SLC7A1: variants seen among roughly 807,000 people sequenced by gnomAD.
The protein encoded by SLC7A1 is high affinity cationic amino acid transporter 1.
SLC7A1 carries 10 observed loss-of-function variants against 53.9 expected under a neutral mutation model. The observed-to-expected ratio is 0.19, with a 90% confidence interval of 0.11 to 0.31. SLC7A1 has a LOEUF of 0.31. SLC7A1 is among the 10% of genes least tolerant of loss of function. The pLI, the probability that SLC7A1 is intolerant of heterozygous loss-of-function variation, is 1.00. For synonymous variants in SLC7A1, 342 were observed against 338.7 expected (o/e 1.01, Z -0.11); for missense variants, 525 against 827.2 (o/e 0.63, Z 4.48).
intron 2 of SLC7A1, among the ~76,000 whole-genome samples, chr13:29,552,992 G>A (rs972059139): frequency 1.3e-5 from 2 of 152,144 alleles, no homozygotes; most frequent in Admixed American, 1.3e-4. Flanking sequence ...AGAGTTAGGG[G>A]ACAGACAGCC....
At chr13:29,581,663 C>T (rs57340570) in intron 1 of SLC7A1, among the ~76,000 whole-genome samples, 4 of 152,158 alleles carry the variant, frequency 2.6e-5, no homozygotes, top group Admixed American at 6.5e-5. Context: ...TGGAACTTCA[C>T]CCCAGTGCTA....
At chr13:29,541,549 T>C (rs1869668049) in intron 2 of SLC7A1, among the ~76,000 whole-genome samples, 1 of 152,186 alleles carries the variant, frequency 6.6e-6, no homozygotes, top group Admixed American at 6.5e-5. Flanking sequence ...GATAGGAGGA[T>C]TGATCTTAAC....
chr13:29,545,977 G>C (rs1869904963), intron 2 of SLC7A1, among the ~76,000 whole-genome samples: 1 of 152,248 alleles, frequency 6.6e-6, no homozygotes, highest in African/African-American at 2.4e-5. Context: ...GCTTCATCAG[G>C]AGAGACGCCC....
chr13:29,564,606 G>C (rs1277583638), intron 1 of SLC7A1, among the ~76,000 whole-genome samples: 3 of 152,188 alleles, frequency 2.0e-5, no homozygotes, highest in African/African-American at 7.2e-5. Flanking sequence ...AGTTTAATTA[G>C]ATGCAAGGAC....
rs1462627278 is a variant in SLC7A1 at position 29,580,423 on chromosome 13, T to TC, written c.-115+14992dup. Reference sequence around the variant, plus strand: ...ATTTCTCAGTGGCTTCATAACTGCCTCCCCGTTTTGAGATCTATTCCATGT... The same window carrying TC: ...ATTTCTCAGTGGCTTCATAACTGCCTCCCCCGTTTTGAGATCTATTCCATGT... On this transcript the variant is annotated intron_variant, in intron 1 of 12. Coordinates refer to ENST00000380752, the MANE Select transcript of SLC7A1 (RefSeq NM_003045.5). 2.6e-5 allele frequency among the ~76,000 whole-genome samples: 4 copies of TC among 152,186 alleles called. No homozygotes were observed. The East Asian group carries it at 7.7e-4, about 29-fold the overall frequency.
chr13:29,552,454 AAAAACTGGCCCC>A (rs1870244172), intron 2 of SLC7A1, among the ~76,000 whole-genome samples: 1 of 152,208 alleles, frequency 6.6e-6, no homozygotes, highest in Non-Finnish European at 1.5e-5. Flanking sequence ...AAATCTGGCC[AAAAACTGGCCCC>A]AAAACTGGCC....
At chr13:29,524,974 T>A (rs937497210) in intron 5 of SLC7A1, among the ~76,000 whole-genome samples, 3 of 152,152 alleles carry the variant, frequency 2.0e-5, no homozygotes, top group Non-Finnish European at 4.4e-5. Context: ...CGAGACACGG[T>A]GCCCAGGTTC....
Position 29,530,672 on chromosome 13 carries a change from G to A in SLC7A1, c.570C>T (p.Asn190=), listed in dbSNP as rs1312711336. ...TLGVKESAMV[N]KIFTCINVLV... is the part of the protein sequence containing the mutation. ...GGACGTTAATACAAGTGAATATTTT[G>A]TTGACCATGGCCGACTCTTTCACAC... Residue 190 remains asparagine, a synonymous_variant, in exon 5 of 13, where the codon AAC becomes AAT. Coordinates refer to ENST00000380752, the MANE Select transcript of SLC7A1 (RefSeq NM_003045.5). The A allele has an allele frequency of 6.2e-7, 1 of 1,614,144 alleles. No individual in the cohort carries two copies. The highest frequency in any genetic ancestry group is 8.5e-7 in the Non-Finnish European group (1 of 1,180,012).
chr13:29,580,803 A>G (rs367897291), intron 1 of SLC7A1, among the ~76,000 whole-genome samples: 3 of 152,184 alleles, frequency 2.0e-5, no homozygotes, highest in African/African-American at 7.2e-5. Flanking sequence ...AAGAGGTACC[A>G]TACAAACGAA....
intron 1 of SLC7A1, among the ~76,000 whole-genome samples, chr13:29,559,513 CGGGGAGTGAATGTGAGTGAG>C (rs1870639783): frequency 1.1e-4 from 1 of 8,982 alleles, no homozygotes; most frequent in African/African-American, 5.5e-4. Context: ...ATGTGAGTGA[CGGGGAGTGAATGTGAGTGAG>C]GGGGAGTGAA....
intron 6 of SLC7A1, 90 bp downstream of exon 6, chr13:29,524,042 G>T: frequency 1.5e-6 from 2 of 1,334,582 alleles, no homozygotes; most frequent in Non-Finnish European, 2.1e-6. Flanking sequence ...GCGGCGACTG[G>T]ACCGTGCCAG....
rs9508482 is a variant in SLC7A1, at chr13:29,514,546, G to C, written c.1824C>G (p.Ser608Arg). The change falls in exon 13 of 13, where the codon AGC becomes AGG. Residue 608 changes from serine to arginine, a missense_variant. Transcript: ENST00000380752. ...IIYFGYGLWH[S>R]EEASLDADQA... ...GGTCGGCATCCAGGGACGCCTCCTC[G>C]CTGTGCCACAGGCCATAGCCAAAGT... The C allele has an allele frequency of 1.2e-6, 2 of 1,610,920 alleles. No individual in the cohort carries two copies. The highest frequency in any genetic ancestry group is 1.7e-6 in the Non-Finnish European group (2 of 1,179,728).
At chr13:29,591,516 C>T (rs2139196691) in intron 1 of SLC7A1, among the ~76,000 whole-genome samples, 1 of 152,246 alleles carries the variant, frequency 6.6e-6, no homozygotes, top group African/African-American at 2.4e-5. Context: ...ATGGTTTCTA[C>T]AATGCAGAAC....
chr13:29,550,264 C>T (rs577279668), intron 2 of SLC7A1, among the ~76,000 whole-genome samples: 14 of 152,334 alleles, frequency 9.2e-5, no homozygotes, highest in Admixed American at 7.2e-4. Context: ...GGGCCAGTGA[C>T]GGCTCAGGGC....
chr13:29,566,561 T>C (rs1870976125), intron 1 of SLC7A1, among the ~76,000 whole-genome samples: 1 of 152,140 alleles, frequency 6.6e-6, no homozygotes. Context: ...TTATATGAAA[T>C]GTCCAGGATA....
At chr13:29,554,547 C>G (rs923899890) in intron 1 of SLC7A1, among the ~76,000 whole-genome samples, 1 of 152,158 alleles carries the variant, frequency 6.6e-6, no homozygotes, top group African/African-American at 2.4e-5. Flanking sequence ...CTACGAAGAA[C>G]CTCATAGATG....
chr13:29,565,248 T>A (rs1201793469), intron 1 of SLC7A1, among the ~76,000 whole-genome samples: 1 of 152,212 alleles, frequency 6.6e-6, no homozygotes, highest in East Asian at 1.9e-4. Flanking sequence ...GTGACTATGT[T>A]ACTGAGAAGA....
At chr13:29,580,874 G>A (rs140166179) in intron 1 of SLC7A1, among the ~76,000 whole-genome samples, 69 of 152,158 alleles carry the variant, frequency 4.5e-4, no homozygotes, top group African/African-American at 1.3e-3. Flanking sequence ...ATACACACAC[G>A]GCTCAAAAAT....
chr13:29,593,341 G>A (rs1240844023), intron 1 of SLC7A1, among the ~76,000 whole-genome samples: 1 of 152,162 alleles, frequency 6.6e-6, no homozygotes, highest in Non-Finnish European at 1.5e-5. Flanking sequence ...CAACTATACA[G>A]AAAAACACCA....
Sources: gnomAD v4.1 joint callset for allele counts (sites outside exome capture counted in the v4.1 genomes callset) on GRCh38, gnomAD v4.1.1 for gene constraint, MANE v1.5 for transcripts, NCBI Gene and HGNC (gene_info 2026-07-23, HGNC 2026-07-21) for gene names.